The following FGF14 variants were observed in gnomAD, a reference collection of about 807,000 sequenced individuals.
FGF14 encodes fibroblast growth factor 14.
FGF14 carries 5 observed loss-of-function variants against 25.5 expected under a neutral mutation model. The ratio of observed to expected loss-of-function variants is 0.20; its 90% CI spans 0.10 to 0.41. The LOEUF (loss-of-function observed/expected upper bound fraction) is 0.41, where lower values mean the gene tolerates loss of function less well. Among genes scored for constraint, FGF14 ranks in the 10% least tolerant of loss-of-function variants. FGF14 has a pLI of 1.00. For synonymous variants in FGF14, 138 were observed against 118.3 expected, an observed-to-expected ratio of 1.17 and a Z score of -1.08; for missense variants, 222 against 320.1, an observed-to-expected ratio of 0.69 and a Z score of 2.34.
chr13:102,229,805 A>G (rs1447454352), intron 1 of FGF14, among the ~76,000 whole-genome samples: 1 of 152,238 alleles, frequency 6.6e-6, no homozygotes, highest in Admixed American at 6.5e-5. Context: ...AGGAGTTTTA[A>G]TTCCAAATTT....
intron 1 of FGF14, among the ~76,000 whole-genome samples, chr13:102,059,375 A>G (rs943406039): frequency 6.6e-6 from 1 of 152,212 alleles, no homozygotes; most frequent in Non-Finnish European, 1.5e-5. Flanking sequence ...CACACCAACC[A>G]GCAGGCAAGG....
intron 1 of FGF14, among the ~76,000 whole-genome samples, chr13:102,082,068 C>G (rs1004854826): frequency 1.3e-5 from 2 of 152,100 alleles, no homozygotes; most frequent in Non-Finnish European, 2.9e-5. Flanking sequence ...TCTGACATTA[C>G]TATACAGGAG....
chr13:101,837,422 T>C (rs1346298413), intron 3 of FGF14, among the ~76,000 whole-genome samples: 1 of 152,060 alleles, frequency 6.6e-6, no homozygotes, highest in East Asian at 1.9e-4. Flanking sequence ...AAAGATAAGG[T>C]TTGTTGTGAG....
intron 3 of FGF14, among the ~76,000 whole-genome samples, chr13:101,867,404 G>A (rs954861888): frequency 3.3e-5 from 5 of 152,214 alleles, no homozygotes; most frequent in African/African-American, 9.6e-5. Context: ...ATGTATCAGA[G>A]TACAGCAATG....
At chr13:102,308,786 A>AGG (rs2055547306) in intron 1 of FGF14, among the ~76,000 whole-genome samples, 1 of 152,092 alleles carries the variant, frequency 6.6e-6, no homozygotes, top group African/African-American at 2.4e-5. Flanking sequence ...GAGAGTGGTT[A>AGG]CAGTCAGGCA....
intron 1 of FGF14, among the ~76,000 whole-genome samples, chr13:102,273,063 T>C (rs1166690960): frequency 6.6e-6 from 1 of 152,206 alleles, no homozygotes; most frequent in Non-Finnish European, 1.5e-5. Flanking sequence ...ATGTGAGAGC[T>C]AATTCCAATG....
chr13:102,237,096 A>C (rs73567279), intron 1 of FGF14, among the ~76,000 whole-genome samples: 6,332 of 152,224 alleles, frequency 0.042, 439 homozygotes, highest in African/African-American at 0.14. Flanking sequence ...CCGCAGGCTG[A>C]AGGACTCCCA....
At chr13:101,899,068 G>C (rs1436091253) in intron 1 of FGF14, among the ~76,000 whole-genome samples, 1 of 152,116 alleles carries the variant, frequency 6.6e-6, no homozygotes, top group African/African-American at 2.4e-5. Flanking sequence ...TTTTCAGTTG[G>C]AGCCCCTATA....
chr13:102,205,984 TAAAAAAAAAAAAAAAAA>T (rs36108366), intron 1 of FGF14, among the ~76,000 whole-genome samples: 2 of 47,460 alleles, frequency 4.2e-5, no homozygotes, highest in Non-Finnish European at 7.9e-5. Context: ...CTCCCTGTGG[TAAAAAAAAAAAAAAAAA>T]AAAAAAAAAA....
intron 3 of FGF14, among the ~76,000 whole-genome samples, chr13:101,809,356 T>C (rs2041370477): frequency 6.6e-6 from 1 of 152,116 alleles, no homozygotes; most frequent in Admixed American, 6.6e-5. Flanking sequence ...TGACAGTCAA[T>C]AGTCTCATGT....
intron 1 of FGF14, among the ~76,000 whole-genome samples, chr13:102,094,220 T>A (rs931172998): frequency 2.0e-5 from 3 of 152,066 alleles, no homozygotes; most frequent in South Asian, 2.1e-4. Context: ...AAGAAAGGCA[T>A]ATTTATAAAC....
At chr13:102,172,112 G>A (rs1400022528) in intron 1 of FGF14, among the ~76,000 whole-genome samples, 3 of 151,704 alleles carry the variant, frequency 2.0e-5, no homozygotes, top group Non-Finnish European at 4.4e-5. Flanking sequence ...TTACAGATAT[G>A]ACCCCCTACA....
chr13:101,837,168 ATG>A (rs201842835), intron 3 of FGF14, among the ~76,000 whole-genome samples: 10 of 143,988 alleles, frequency 6.9e-5, no homozygotes, highest in East Asian at 3.9e-4. Flanking sequence ...CTGGTACTAT[ATG>A]TGTGTGTGTG....
At chr13:102,133,467 A>C (rs1028992020) in intron 1 of FGF14, among the ~76,000 whole-genome samples, 1 of 152,172 alleles carries the variant, frequency 6.6e-6, no homozygotes, top group Non-Finnish European at 1.5e-5. Context: ...TATATTATAG[A>C]AGTGTGTATA....
intron 1 of FGF14, among the ~76,000 whole-genome samples, chr13:102,019,309 A>T (rs1309735118): frequency 6.6e-6 from 1 of 152,094 alleles, no homozygotes; most frequent in Non-Finnish European, 1.5e-5. Flanking sequence ...CTATGTCATG[A>T]TTCACGAGGG....
At chr13:101,876,574 G>A (rs2045405602) in intron 1 of FGF14, among the ~76,000 whole-genome samples, 1 of 152,104 alleles carries the variant, frequency 6.6e-6, no homozygotes, top group Non-Finnish European at 1.5e-5. Context: ...ACCTAGACTT[G>A]CTTCATAGAT....
At chr13:101,968,673 C>CA (rs11410391) in intron 1 of FGF14, among the ~76,000 whole-genome samples, 10,283 of 78,788 alleles carry the variant, frequency 0.13, 933 homozygotes, top group African/African-American at 0.28. Context: ...ACTCCGTCTC[C>CA]AAAAAAAAAA....
At chr13:102,199,413 CT>C (rs2049511348) in intron 1 of FGF14, among the ~76,000 whole-genome samples, 1 of 152,110 alleles carries the variant, frequency 6.6e-6, no homozygotes, top group Non-Finnish European at 1.5e-5. Context: ...GTTAAAGTGG[CT>C]TTCTATGGAT....
At chr13:102,276,633 T>C (rs1471922889) in intron 1 of FGF14, among the ~76,000 whole-genome samples, 1 of 152,032 alleles carries the variant, frequency 6.6e-6, no homozygotes. Context: ...AACATGTAAG[T>C]GTCACGGTAT....
Sources: gnomAD v4.1 joint callset for allele counts (sites outside exome capture counted in the v4.1 genomes callset) on GRCh38, gnomAD v4.1.1 for gene constraint, MANE v1.5 for transcripts, NCBI Gene and HGNC (gene_info 2026-07-23, HGNC 2026-07-21) for gene names.